Variants in CCDC158 observed in about 807,000 individuals in gnomAD.
The protein encoded by CCDC158 is coiled-coil domain containing 158.
In CCDC158, 116 loss-of-function variants were observed where a neutral mutation model predicts 138.6. That is an observed-to-expected ratio of 0.84 (90% CI 0.72 to 0.98). The LOEUF (loss-of-function observed/expected upper bound fraction) is 0.98. CCDC158 is among the 50% of genes least tolerant of loss of function. The pLI is 0.00. For missense variants in CCDC158, 1,265 were observed against 1,306.1 expected (o/e 0.97, Z 0.48); for synonymous variants, 436 against 442.4 (o/e 0.99, Z 0.18).
chr4:76,335,275 G>A (rs1404871836), intron 18 of CCDC158, among the ~76,000 whole-genome samples: 2 of 152,160 alleles, frequency 1.3e-5, no homozygotes, highest in East Asian at 3.9e-4. Flanking sequence ...TTGCCCTCAC[G>A]CTAATATGCA....
chr4:76,331,680 T>A (rs184416039), intron 20 of CCDC158, among the ~76,000 whole-genome samples: 2 of 152,158 alleles, frequency 1.3e-5, no homozygotes, highest in Admixed American at 1.3e-4. Context: ...CAAAAATAAA[T>A]GAACTTTTGG....
intron 1 of CCDC158, among the ~76,000 whole-genome samples, chr4:76,412,525 C>G (rs1729372051): frequency 6.6e-6 from 1 of 152,138 alleles, no homozygotes; most frequent in African/African-American, 2.4e-5. Context: ...TTTTGGGAAG[C>G]TGAGGTGGGC....
At chr4:76,399,991 G>A (rs905277430) in intron 3 of CCDC158, among the ~76,000 whole-genome samples, 5 of 152,100 alleles carry the variant, frequency 3.3e-5, no homozygotes, top group African/African-American at 1.2e-4. Flanking sequence ...TAGGATATGA[G>A]GAGAAAAGAG....
chr4:76,418,966 T>C lies in CCDC158; in HGVS notation c.-117+1999A>G, dbSNP rs142568170. Among the ~76,000 whole-genome samples the C allele has an allele frequency of 4.5e-3, 683 of 152,278 alleles. 6 individuals carry two copies. The highest frequency in any genetic ancestry group is 0.015 in the African/African-American group (624 of 41,558). Reference sequence around the variant, plus strand: ...GCGGTTGCTTTTAGCCATATTTTAATACATGGAAGCACTTCTGCATTCCCT... The same window carrying C: ...GCGGTTGCTTTTAGCCATATTTTAACACATGGAAGCACTTCTGCATTCCCT... On this transcript the variant is annotated intron_variant, in intron 1 of 24. Coordinates refer to ENST00000682701, the MANE Select transcript of CCDC158 (RefSeq NM_001394954.1).
In CCDC158 at chr4:76,371,544, G is replaced by A; in HGVS notation, c.1030-8C>T. 1 of 1,614,000 alleles carries A rather than the reference G, an allele frequency of 6.2e-7. No homozygotes were observed. The highest frequency in any genetic ancestry group is 8.5e-7 in the Non-Finnish European group (1 of 1,179,936). On this transcript the variant is annotated splice_polypyrimidine_tract_variant and splice_region_variant and intron_variant, in intron 9 of 24. Transcript: ENST00000682701. ...CTTTTCCAGCTCTTCTGTCTGAAAG[G>A]AAAGTACAAATTGAACAGTGTCTGA...
intron 4 of CCDC158, among the ~76,000 whole-genome samples, chr4:76,395,972 G>A (rs181281161): frequency 2.0e-5 from 3 of 152,202 alleles, no homozygotes; most frequent in African/African-American, 4.8e-5. Flanking sequence ...AACTATAAAT[G>A]CAGACAAATG....
At chr4:76,366,286 G>A (rs1289419678) in intron 12 of CCDC158, among the ~76,000 whole-genome samples, 2 of 152,072 alleles carry the variant, frequency 1.3e-5, no homozygotes. Flanking sequence ...TTAAGCAATA[G>A]AAAATTCTAT....
At chr4:76,377,100 A>G (rs1725789345) in intron 9 of CCDC158, among the ~76,000 whole-genome samples, 1 of 152,220 alleles carries the variant, frequency 6.6e-6, no homozygotes, top group Non-Finnish European at 1.5e-5. Flanking sequence ...TACATTTTAG[A>G]TGGACATTTC....
chr4:76,367,821 G>T (rs1202062460), intron 11 of CCDC158, 45 bp from the exon 12 acceptor site: 2 of 1,537,344 alleles, frequency 1.3e-6, no homozygotes, highest in South Asian at 2.5e-5. Context: ...GGGAGGATAG[G>T]TATAGGCAAC....
rs144149934 is a variant in CCDC158, at chr4:76,413,972, C to T, written c.-116-1840G>A. Among the ~76,000 whole-genome samples, 267 of 152,176 alleles carry T rather than the reference C, an allele frequency of 1.8e-3. 2 individuals are homozygous for T. The highest frequency in any genetic ancestry group is 6.1e-3 in the African/African-American group (254 of 41,514). On this transcript the variant is annotated intron_variant, in intron 1 of 24. Coordinates refer to ENST00000682701, the MANE Select transcript of CCDC158 (RefSeq NM_001394954.1). ...CTTTCTTTTTTTTGAGACAGGGTCTCACTTTGTCACCCAGGTGGCTGTGCA... is the reference window on the plus strand; with the variant it reads ...CTTTCTTTTTTTTGAGACAGGGTCTTACTTTGTCACCCAGGTGGCTGTGCA...
intron 24 of CCDC158, among the ~76,000 whole-genome samples, chr4:76,317,242 T>G (rs1019469614): frequency 6.6e-5 from 10 of 152,098 alleles, no homozygotes; most frequent in Admixed American, 6.6e-4. Context: ...GAGACTCACC[T>G]AATGCACAAG....
At chr4:76,383,273 C>A (rs1431326324) in intron 7 of CCDC158, among the ~76,000 whole-genome samples, 4 of 152,146 alleles carry the variant, frequency 2.6e-5, no homozygotes, top group African/African-American at 9.7e-5. Context: ...AGTTCTTCAT[C>A]CCCTGCCTTT....
chr4:76,366,464 A>T (rs568694364), intron 12 of CCDC158, among the ~76,000 whole-genome samples: 42 of 144,654 alleles, frequency 2.9e-4, no homozygotes, highest in East Asian at 1.9e-3. Flanking sequence ...CAATTTTTTT[A>T]AAAAACCCAT....
At chr4:76,393,271 G>A (rs1293230405) in intron 4 of CCDC158, among the ~76,000 whole-genome samples, 1 of 151,958 alleles carries the variant, frequency 6.6e-6, no homozygotes, top group Non-Finnish European at 1.5e-5. Flanking sequence ...CATGGTACTG[G>A]CATAAAAACA....
intron 2 of CCDC158, among the ~76,000 whole-genome samples, chr4:76,405,563 T>C (rs1010184972): frequency 1.3e-5 from 2 of 152,166 alleles, no homozygotes; most frequent in African/African-American, 2.4e-5. Context: ...ATGGTGAATA[T>C]TTAAATACTC....
chr4:76,400,252 T>C (rs10017563), intron 3 of CCDC158, among the ~76,000 whole-genome samples: 3 of 152,006 alleles, frequency 2.0e-5, no homozygotes, highest in Admixed American at 2.0e-4. Flanking sequence ...ATGTCTTTTG[T>C]AGAGACATGG....
At chr4:76,319,307 C>A (rs113269787) in intron 24 of CCDC158, among the ~76,000 whole-genome samples, 4,327 of 149,302 alleles carry the variant, frequency 0.029, 210 homozygotes, top group African/African-American at 0.1. Flanking sequence ...GTGGCATGTG[C>A]CTGTAATCCC....
Position 76,371,363 on chromosome 4 carries a change from C to T in CCDC158, c.1149+54G>A, listed in dbSNP as rs12331758. 5.6e-3 allele frequency: 8,693 copies of T among 1,553,736 alleles called. 397 individuals are homozygous for T. The African/African-American group carries it at 0.1, about 18-fold the overall frequency. On this transcript the variant is annotated intron_variant, in intron 10 of 24. Transcript: ENST00000682701. ...AGGAAACGAGTTTTGTGATATATTT[C>T]AGTGAAAAACTTCCCAGAATTAGTC...
At chr4:76,361,991 T>A (rs1724188049) in intron 13 of CCDC158, 135 bp downstream of exon 13, 1 of 642,534 alleles carries the variant, frequency 1.6e-6, no homozygotes, top group Non-Finnish European at 2.6e-6. Flanking sequence ...TATGAATAAC[T>A]CCATGGGGGC....
Sources: gnomAD v4.1 joint callset for allele counts (sites outside exome capture counted in the v4.1 genomes callset) on GRCh38, gnomAD v4.1.1 for gene constraint, MANE v1.5 for transcripts, NCBI Gene and HGNC (gene_info 2026-07-23, HGNC 2026-07-21) for gene names.